The following NRG3 variants were observed in gnomAD, a reference collection of about 807,000 sequenced individuals.
The protein encoded by NRG3 is neuregulin 3.
In NRG3, 31 loss-of-function variants were observed where a neutral mutation model predicts 66.9. That is an observed-to-expected ratio of 0.46 (90% CI 0.35 to 0.63). NRG3 has a LOEUF of 0.63. NRG3 is among the 20% of genes least tolerant of loss of function. The pLI is 0.00. For missense variants in NRG3, 910 were observed against 878.9 expected, an observed-to-expected ratio of 1.04 and a Z score of -0.45; for synonymous variants, 393 against 359.4, an observed-to-expected ratio of 1.09 and a Z score of -1.06.
At chr10:82,418,416 G>A (rs971027686) in intron 2 of NRG3, among the ~76,000 whole-genome samples, 5 of 152,152 alleles carry the variant, frequency 3.3e-5, no homozygotes, top group Non-Finnish European at 5.9e-5. Flanking sequence ...AAATTAACCA[G>A]TTTATGCAAA....
chr10:82,971,401 G>C (rs533046718), intron 6 of NRG3, among the ~76,000 whole-genome samples: 65 of 149,904 alleles, frequency 4.3e-4, no homozygotes, highest in African/African-American at 1.5e-3. Flanking sequence ...AATGTTAATG[G>C]TTTATAATTT....
intron 1 of NRG3, among the ~76,000 whole-genome samples, chr10:81,955,471 T>A (rs930871908): frequency 3.9e-5 from 6 of 152,162 alleles, no homozygotes; most frequent in African/African-American, 1.4e-4. Flanking sequence ...TTGTCAATGA[T>A]GAGGACTGAT....
chr10:81,899,463 C>A (rs1359350104), intron 1 of NRG3, among the ~76,000 whole-genome samples: 2 of 152,178 alleles, frequency 1.3e-5, no homozygotes, highest in Non-Finnish European at 2.9e-5. Flanking sequence ...GTGAAACATC[C>A]ATCATGATTC....
At position 82,119,565 on chromosome 10, in the gene NRG3, C is replaced by G. The variant is rs548248924; in HGVS notation, c.824-239174C>G. ...AAGTGAGAACTATAGCAGGGTCTTTCTGACCCTGGGGATCTTGTGTTCTTG... is the reference window on the plus strand; with the variant it reads ...AAGTGAGAACTATAGCAGGGTCTTTGTGACCCTGGGGATCTTGTGTTCTTG... On this transcript the variant is annotated intron_variant, in intron 1 of 8. Transcript: ENST00000372141. Among the ~76,000 whole-genome samples the G allele has an allele frequency of 2.6e-5, 4 of 152,232 alleles. No homozygotes were observed. The East Asian group carries it at 7.7e-4, about 29-fold the overall frequency.
chr10:82,053,408 C>T (rs2063692210), intron 1 of NRG3, among the ~76,000 whole-genome samples: 1 of 152,156 alleles, frequency 6.6e-6, no homozygotes, highest in Non-Finnish European at 1.5e-5. Context: ...TCACTGTGAT[C>T]TCCACAGCCA....
intron 1 of NRG3, among the ~76,000 whole-genome samples, chr10:81,992,424 G>A (rs1052441149): frequency 6.6e-6 from 1 of 152,126 alleles, no homozygotes; most frequent in Non-Finnish European, 1.5e-5. Context: ...GGAAGTGGAA[G>A]AACATTGGCC....
intron 1 of NRG3, among the ~76,000 whole-genome samples, chr10:82,189,332 C>G (rs2073997972): frequency 6.6e-6 from 1 of 152,078 alleles, no homozygotes; most frequent in Non-Finnish European, 1.5e-5. Context: ...TTTCTAGTTT[C>G]CTTAATAAAT....
At chr10:82,480,114 T>G (rs1274652292) in intron 2 of NRG3, among the ~76,000 whole-genome samples, 1 of 152,260 alleles carries the variant, frequency 6.6e-6, no homozygotes, top group Non-Finnish European at 1.5e-5. Context: ...GATTGCGTAT[T>G]GCAGGATTTC....
intron 1 of NRG3, among the ~76,000 whole-genome samples, chr10:82,245,966 C>T (rs1436125924): frequency 6.8e-6 from 1 of 147,270 alleles, no homozygotes; most frequent in East Asian, 2.0e-4. Context: ...CTGATTTTTT[C>T]CCAGTCTTCT....
At chr10:82,720,141 G>A (rs2057208932) in intron 2 of NRG3, among the ~76,000 whole-genome samples, 1 of 152,168 alleles carries the variant, frequency 6.6e-6, no homozygotes, top group Non-Finnish European at 1.5e-5. Context: ...TGTAATCCTA[G>A]CACTTCGGGA....
chr10:81,924,016 A>G (rs968802766), intron 1 of NRG3, among the ~76,000 whole-genome samples: 1 of 152,176 alleles, frequency 6.6e-6, no homozygotes, highest in Non-Finnish European at 1.5e-5. Context: ...ATGAATGCTG[A>G]GTGAATGCAG....
intron 1 of NRG3, among the ~76,000 whole-genome samples, chr10:82,158,036 T>C (rs1022057355): frequency 6.6e-6 from 1 of 151,716 alleles, no homozygotes; most frequent in South Asian, 2.1e-4. Context: ...TGTGTTCCTT[T>C]AGGATTATTA....
intron 1 of NRG3, among the ~76,000 whole-genome samples, chr10:82,200,399 A>AGGT (rs2074732453): frequency 1.3e-5 from 2 of 152,152 alleles, no homozygotes; most frequent in African/African-American, 2.4e-5. Flanking sequence ...TGTTGAATTG[A>AGGT]AGCATTGACT....
intron 1 of NRG3, among the ~76,000 whole-genome samples, chr10:82,107,740 T>G (rs970197598): frequency 6.6e-6 from 1 of 152,176 alleles, no homozygotes; most frequent in Non-Finnish European, 1.5e-5. Flanking sequence ...AAAGCCATCT[T>G]TCTGTCTTTG....
At chr10:82,052,968 G>T (rs1263869713) in intron 1 of NRG3, among the ~76,000 whole-genome samples, 5 of 151,870 alleles carry the variant, frequency 3.3e-5, no homozygotes, top group Non-Finnish European at 7.4e-5. Flanking sequence ...TTTACCAATG[G>T]TAGACTAATT....
chr10:82,576,716 C>T (rs1481127), intron 2 of NRG3, among the ~76,000 whole-genome samples: 68,961 of 151,598 alleles, frequency 0.45, 17,283 homozygotes, highest in African/African-American at 0.65. Flanking sequence ...ACTGTAATTG[C>T]TGAAAATTCT....
intron 1 of NRG3, among the ~76,000 whole-genome samples, chr10:82,139,223 A>G (rs1191801672): frequency 6.6e-5 from 10 of 152,154 alleles, no homozygotes; most frequent in Admixed American, 6.5e-4. Context: ...ATGATTTCTC[A>G]TTGAGCAAAA....
At chr10:82,454,756 T>TACAAAA (rs2091194483) in intron 2 of NRG3, among the ~76,000 whole-genome samples, 1 of 152,132 alleles carries the variant, frequency 6.6e-6, no homozygotes, top group South Asian at 2.1e-4. Flanking sequence ...AAAAAGCTAT[T>TACAAAA]CAAAGCAAAC....
At chr10:82,547,823 G>T (rs895442913) in intron 2 of NRG3, among the ~76,000 whole-genome samples, 3 of 152,050 alleles carry the variant, frequency 2.0e-5, no homozygotes, top group Non-Finnish European at 4.4e-5. Context: ...GGGCACTTGG[G>T]ATATCTAGCT....
Sources: allele counts gnomAD v4.1 joint callset (sites outside exome capture counted in the v4.1 genomes callset), GRCh38; gene constraint gnomAD v4.1.1; transcripts MANE v1.5; gene names NCBI Gene and HGNC (gene_info 2026-07-23, HGNC 2026-07-21).